NDST4: variants seen among roughly 807,000 people sequenced by gnomAD.
The protein encoded by NDST4 is N-deacetylase and N-sulfotransferase 4, also known as N-heparan sulfate sulfotransferase 4.
A neutral mutation model predicts 100.8 loss-of-function variants in NDST4; 63 were observed. The observed-to-expected ratio is 0.62, with a 90% CI of 0.51 to 0.77. The LOEUF is 0.77. Ranked by LOEUF, NDST4 falls within the 30% of genes least tolerant of loss-of-function variation. The probability of loss-of-function intolerance (pLI) is 0.00; values close to 1 mark genes in which losing one functional copy is unlikely to be tolerated. For missense variants in NDST4, 943 were observed against 1,018.4 expected (o/e 0.93, Z 1.01); for synonymous variants, 377 against 361.8 (o/e 1.04, Z -0.48).
intron 2 of NDST4, among the ~76,000 whole-genome samples, chr4:115,042,869 T>C (rs907722127): frequency 8.5e-5 from 13 of 152,112 alleles, no homozygotes; most frequent in Non-Finnish European, 1.6e-4. Context: ...TTTAATAATG[T>C]TACAAGACCA....
intron 6 of NDST4, among the ~76,000 whole-genome samples, chr4:114,927,696 C>T (rs897776259): frequency 3.3e-5 from 5 of 151,972 alleles, no homozygotes; most frequent in Non-Finnish European, 1.5e-5. Context: ...ATACTAAGTA[C>T]AGAAAACTAT....
chr4:115,080,066 G>A (rs1187562463), intron 1 of NDST4, among the ~76,000 whole-genome samples: 1 of 152,084 alleles, frequency 6.6e-6, no homozygotes, highest in Non-Finnish European at 1.5e-5. Context: ...GACTTCACAT[G>A]GACTTTAAAA....
intron 1 of NDST4, among the ~76,000 whole-genome samples, chr4:115,095,525 T>C (rs1729602620): frequency 6.6e-6 from 1 of 152,100 alleles, no homozygotes; most frequent in Non-Finnish European, 1.5e-5. Context: ...TCATTGTCAC[T>C]AATAGCCTAT....
intron 2 of NDST4, among the ~76,000 whole-genome samples, chr4:115,044,239 C>T (rs1318608040): frequency 6.6e-6 from 1 of 151,954 alleles, no homozygotes; most frequent in Non-Finnish European, 1.5e-5. Context: ...ACTGAAACGC[C>T]TAAGATCTGG....
At chr4:114,886,649 C>T (rs1476225619) in intron 6 of NDST4, among the ~76,000 whole-genome samples, 1 of 151,980 alleles carries the variant, frequency 6.6e-6, no homozygotes, top group Non-Finnish European at 1.5e-5. Context: ...TGTGGTTTTG[C>T]TCATTACCAT....
At chr4:115,023,013 C>T (rs1394840493) in intron 2 of NDST4, among the ~76,000 whole-genome samples, 2 of 152,156 alleles carry the variant, frequency 1.3e-5, no homozygotes, top group Admixed American at 1.3e-4. Flanking sequence ...TGTATGTTCT[C>T]ACTCATAAGC....
chr4:114,988,925 T>C (rs1003784697), intron 2 of NDST4, among the ~76,000 whole-genome samples: 2 of 152,328 alleles, frequency 1.3e-5, no homozygotes, highest in African/African-American at 4.8e-5. Context: ...ATCCATAGTA[T>C]AGCAAAATAT....
chr4:115,033,049 A>G (rs1728147647), intron 2 of NDST4, among the ~76,000 whole-genome samples: 1 of 150,260 alleles, frequency 6.7e-6, no homozygotes, highest in South Asian at 2.1e-4. Flanking sequence ...TTGTCAATTT[A>G]TCTATAGAAC....
intron 6 of NDST4, among the ~76,000 whole-genome samples, chr4:114,894,512 G>A (rs1042746521): frequency 6.6e-6 from 1 of 152,136 alleles, no homozygotes; most frequent in Non-Finnish European, 1.5e-5. Flanking sequence ...TTGTGAATGC[G>A]AGTTCATTCA....
chr4:115,061,164 C>T (rs1303595684), intron 2 of NDST4, among the ~76,000 whole-genome samples: 2 of 152,068 alleles, frequency 1.3e-5, no homozygotes, highest in Non-Finnish European at 2.9e-5. Context: ...AATGCTTTTA[C>T]ACTGTTGGTG....
At chr4:114,928,663 C>T (rs1389588850) in intron 6 of NDST4, among the ~76,000 whole-genome samples, 1 of 152,088 alleles carries the variant, frequency 6.6e-6, no homozygotes, top group Non-Finnish European at 1.5e-5. Flanking sequence ...ACGTTTTAAT[C>T]AGTCCAGTGC....
chr4:114,845,800 G>A (rs1275496749), intron 10 of NDST4, 23 bp downstream of exon 10: 1 of 1,580,348 alleles, frequency 6.3e-7, no homozygotes, highest in African/African-American at 1.4e-5. Flanking sequence ...AATGCTTTTA[G>A]CCGATTTTTT....
chr4:115,057,614 G>T (rs1460183407), intron 2 of NDST4, among the ~76,000 whole-genome samples: 2 of 151,968 alleles, frequency 1.3e-5, no homozygotes, highest in Non-Finnish European at 2.9e-5. Flanking sequence ...CATCGATTCA[G>T]CCATAGTACT....
At chr4:114,918,617 T>C (rs528843847) in intron 6 of NDST4, among the ~76,000 whole-genome samples, 15 of 152,004 alleles carry the variant, frequency 9.9e-5, no homozygotes, top group Non-Finnish European at 1.9e-4. Context: ...GTTCCTGTTG[T>C]CATTGCCAAG....
chr4:115,082,005 G>C (rs976195926), intron 1 of NDST4, among the ~76,000 whole-genome samples: 3 of 151,358 alleles, frequency 2.0e-5, no homozygotes, highest in African/African-American at 7.3e-5. Context: ...AAATTTGGAA[G>C]GAGAGATCTA....
At chr4:114,964,114 T>G (rs987913771) in intron 4 of NDST4, among the ~76,000 whole-genome samples, 1 of 152,218 alleles carries the variant, frequency 6.6e-6, no homozygotes, top group Non-Finnish European at 1.5e-5. Flanking sequence ...GCCTTAGCTC[T>G]AATGAAGCCA....
At chr4:114,881,280 G>A (rs1042618492) in intron 6 of NDST4, among the ~76,000 whole-genome samples, 1 of 152,012 alleles carries the variant, frequency 6.6e-6, no homozygotes, top group Admixed American at 6.6e-5. Flanking sequence ...CAATGGGAAA[G>A]GAGAGAAATT....
At chr4:114,961,511 A>C (rs1340488842) in intron 4 of NDST4, among the ~76,000 whole-genome samples, 3 of 152,020 alleles carry the variant, frequency 2.0e-5, no homozygotes, top group African/African-American at 7.2e-5. Flanking sequence ...ACTGGAGACA[A>C]CACTATTGAC....
At chr4:114,911,929 A>G (rs1725071251) in intron 6 of NDST4, among the ~76,000 whole-genome samples, 1 of 152,164 alleles carries the variant, frequency 6.6e-6, no homozygotes. Context: ...AGAATATACA[A>G]CATCAACTGA....
Sources: allele counts gnomAD v4.1 joint callset (sites outside exome capture counted in the v4.1 genomes callset), GRCh38; gene constraint gnomAD v4.1.1; transcripts MANE v1.5; gene names NCBI Gene and HGNC (gene_info 2026-07-23, HGNC 2026-07-21).